CYP4X1: variants seen among roughly 807,000 people sequenced by gnomAD.
CYP4X1 encodes the protein cytochrome P450 family 4 subfamily X member 1.
Under a neutral mutation model 57.9 loss-of-function variants are expected in CYP4X1, and 44 were observed. That is an observed-to-expected ratio of 0.76 (90% CI 0.60 to 0.98). The LOEUF (loss-of-function observed/expected upper bound fraction) is 0.98. Among genes scored for constraint, CYP4X1 ranks in the 50% least tolerant of loss-of-function variants. The pLI is 0.00. For missense variants in CYP4X1, 532 were observed against 623.9 expected, an observed-to-expected ratio of 0.85 and a Z score of 1.57; for synonymous variants, 227 against 228.6, an observed-to-expected ratio of 0.99 and a Z score of 0.06.
the CYP4X1 span, among the ~76,000 whole-genome samples, chr1:46,994,046 G>T: frequency 6.6e-6 from 1 of 152,062 alleles, no homozygotes; most frequent in African/African-American, 2.4e-5. Flanking sequence ...TTTTCTTCTG[G>T]GGTTTTTATG....
the CYP4X1 span, among the ~76,000 whole-genome samples, chr1:46,973,216 T>G: frequency 2.0e-5 from 3 of 152,172 alleles, no homozygotes; most frequent in Admixed American, 6.6e-5. Flanking sequence ...TCTGTGTATG[T>G]GATGAATCAC....
the CYP4X1 span, among the ~76,000 whole-genome samples, chr1:47,015,009 T>C: frequency 6.6e-6 from 1 of 152,208 alleles, no homozygotes; most frequent in Non-Finnish European, 1.5e-5. Flanking sequence ...GTTTTTCTTT[T>C]GGACTTCATT....
At chr1:47,004,754 G>A in the CYP4X1 span, among the ~76,000 whole-genome samples, 1 of 152,186 alleles carries the variant, frequency 6.6e-6, no homozygotes, top group Non-Finnish European at 1.5e-5. Context: ...GAAGGAGGAA[G>A]GACTCTTTTC....
chr1:46,978,698 A>T, the CYP4X1 span, among the ~76,000 whole-genome samples: 1 of 151,480 alleles, frequency 6.6e-6, no homozygotes, highest in Non-Finnish European at 1.5e-5. Flanking sequence ...CATCATATTT[A>T]TTCCAAAATT....
chr1:47,003,059 A>G, the CYP4X1 span: 1 of 152,136 alleles, frequency 6.6e-6, no homozygotes, highest in Non-Finnish European at 1.5e-5. Context: ...TGCGCCCCCC[A>G]CAGCAAGTGA....
At chr1:47,047,755 C>T (rs1393246316) in intron 9 of CYP4X1, among the ~76,000 whole-genome samples, 1 of 152,022 alleles carries the variant, frequency 6.6e-6, no homozygotes, top group Non-Finnish European at 1.5e-5. Flanking sequence ...GTGCACACCA[C>T]GCCTGGCAAA....
intron 3 of CYP4X1, 43 bp downstream of exon 3, chr1:47,031,523 A>G: frequency 6.2e-7 from 1 of 1,603,558 alleles, no homozygotes. Flanking sequence ...TCTCATTCAA[A>G]GTCCCCTTTC....
downstream of CYP4X1, among the ~76,000 whole-genome samples, chr1:47,051,124 G>GA (rs1256554075): frequency 2.6e-5 from 4 of 152,124 alleles, no homozygotes; most frequent in Non-Finnish European, 5.9e-5. Flanking sequence ...AAAGACACAT[G>GA]AAAAAATGCC....
At position 47,031,464 on chromosome 1, in the gene CYP4X1, C is replaced by A. The variant is rs763238839; in HGVS notation, c.348C>A (p.Phe116Leu). 3 of 1,613,948 alleles carry A rather than the reference C, an allele frequency of 1.9e-6. No homozygotes were observed. In the East Asian group the frequency reaches 6.7e-5, roughly 36 times the overall value. ...CCAAGTCCCAGTACCTGCAGAAATT[C>A]TCACCTCCACTTCTTGGTATGTATG... is the stretch of plus-strand genomic sequence containing the variant. ...TDPKSQYLQK[F>L]SPPLLGKGLA... Residue 116 changes from phenylalanine to leucine, a missense_variant, in exon 3 of 12, where the codon TTC becomes TTA. Transcript: ENST00000371901.
the CYP4X1 span, among the ~76,000 whole-genome samples, chr1:47,008,657 G>C: frequency 2.6e-5 from 4 of 152,174 alleles, no homozygotes; most frequent in African/African-American, 9.7e-5. Context: ...AGACCCATCA[G>C]TGTGCTGTAT....
At chr1:46,965,189 G>C in the CYP4X1 span, among the ~76,000 whole-genome samples, 4 of 152,200 alleles carry the variant, frequency 2.6e-5, no homozygotes, top group Non-Finnish European at 5.9e-5. Flanking sequence ...GCACTTCCCG[G>C]GTGAGGCGAT....
At chr1:47,049,398 G>C (rs1386995473) in intron 10 of CYP4X1, 24 bp from the exon 11 acceptor site, 1 of 1,597,470 alleles carries the variant, frequency 6.3e-7, no homozygotes. Context: ...GGGGGATGGT[G>C]TTGGGGTTGT....
rs543245410 is a variant in CYP4X1 at position 47,030,810 on chromosome 1, A to G, written c.320-626A>G. Among the ~76,000 whole-genome samples, 199 of 152,334 alleles carry G rather than the reference A, an allele frequency of 1.3e-3. 2 individuals are homozygous for G. The highest frequency in any genetic ancestry group is 3.4e-3 in the Admixed American group (52 of 15,302). On this transcript the variant is annotated intron_variant, in intron 2 of 11. Coordinates refer to ENST00000371901, the MANE Select transcript of CYP4X1 (RefSeq NM_178033.2). Reference sequence around the variant, plus strand: ...CCTAATAAAACCTAATGAAAGAAAGAGCCTTGCCCTGACTATCTCCATGTT... The same window carrying G: ...CCTAATAAAACCTAATGAAAGAAAGGGCCTTGCCCTGACTATCTCCATGTT...
At chr1:47,016,652 A>G in the CYP4X1 span, among the ~76,000 whole-genome samples, 7,835 of 152,266 alleles carry the variant, frequency 0.051, 232 homozygotes, top group East Asian at 0.13. Flanking sequence ...ATGTGTATAT[A>G]TCTATGGGGT....
the CYP4X1 span, among the ~76,000 whole-genome samples, chr1:46,989,015 T>C: frequency 6.6e-6 from 1 of 152,196 alleles, no homozygotes; most frequent in Admixed American, 6.5e-5. Flanking sequence ...CTCTCACCAC[T>C]CCTATTCAAC....
At chr1:46,982,705 C>T in the CYP4X1 span, among the ~76,000 whole-genome samples, 3 of 152,180 alleles carry the variant, frequency 2.0e-5, no homozygotes, top group Non-Finnish European at 2.9e-5. Flanking sequence ...AGTAGGTAGG[C>T]TCTTGCTCAG....
At chr1:46,988,041 G>C in the CYP4X1 span, among the ~76,000 whole-genome samples, 3 of 152,128 alleles carry the variant, frequency 2.0e-5, no homozygotes, top group Non-Finnish European at 4.4e-5. Flanking sequence ...GATCAGAGCA[G>C]AACTGAAGGA....
At chr1:46,961,390 A>G in the CYP4X1 span, among the ~76,000 whole-genome samples, 1 of 152,196 alleles carries the variant, frequency 6.6e-6, no homozygotes, top group South Asian at 2.1e-4. Flanking sequence ...CTGTTATTTC[A>G]GATCCAGCAG....
chr1:47,034,033 G>C (rs1644151924), intron 4 of CYP4X1, among the ~76,000 whole-genome samples: 1 of 152,246 alleles, frequency 6.6e-6, no homozygotes, highest in Non-Finnish European at 1.5e-5. Flanking sequence ...CCAGTATGGA[G>C]TTGCGTTAAC....
Sources: allele counts gnomAD v4.1 joint callset (sites outside exome capture counted in the v4.1 genomes callset), GRCh38; gene constraint gnomAD v4.1.1; transcripts MANE v1.5; gene names NCBI Gene and HGNC (gene_info 2026-07-23, HGNC 2026-07-21).